NFIB: variants seen among roughly 807,000 people sequenced by gnomAD.
NFIB encodes nuclear factor 1 B-type.
NFIB carries 11 observed loss-of-function variants against 61.5 expected under a neutral mutation model. The ratio of observed to expected loss-of-function variants is 0.18; its 90% CI spans 0.11 to 0.30. The LOEUF (loss-of-function observed/expected upper bound fraction) is 0.30. Among genes scored for constraint, NFIB ranks in the 10% least tolerant of loss-of-function variants. NFIB has a pLI of 1.00. For missense variants in NFIB, 471 were observed against 608.9 expected (o/e 0.77, Z 2.38); for synonymous variants, 260 against 216.5 (o/e 1.20, Z -1.76).
intron 1 of NFIB, among the ~76,000 whole-genome samples, chr9:14,394,464 G>C (rs1456383802): frequency 6.6e-6 from 1 of 152,176 alleles, no homozygotes; most frequent in Admixed American, 6.5e-5. Context: ...GAGAAGCAAA[G>C]GCATGTCTTA....
At chr9:14,468,583 A>T in the NFIB span, among the ~76,000 whole-genome samples, 2 of 152,166 alleles carry the variant, frequency 1.3e-5, no homozygotes, top group Non-Finnish European at 2.9e-5. Flanking sequence ...AGCAGCTCTA[A>T]TTTGCTCCTC....
chr9:14,175,481 T>TA, intron 3 of NFIB, among the ~76,000 whole-genome samples: 1 of 152,242 alleles, frequency 6.6e-6, no homozygotes, highest in East Asian at 1.9e-4. Context: ...GCCAGCGACT[T>TA]AAAGAATTTC....
intron 2 of NFIB, among the ~76,000 whole-genome samples, chr9:14,251,917 G>A (rs185748415): frequency 7.9e-5 from 12 of 152,328 alleles, no homozygotes; most frequent in Admixed American, 3.3e-4. Context: ...AGGTTTAGTA[G>A]GCAAGCCACA....
intron 1 of NFIB, among the ~76,000 whole-genome samples, chr9:14,392,211 G>T (rs1333825487): frequency 6.6e-6 from 1 of 152,200 alleles, no homozygotes; most frequent in Non-Finnish European, 1.5e-5. Flanking sequence ...CATCCTGGAT[G>T]TGACCCTGGG....
chr9:14,090,061 T>A (rs1018117543), intron 10 of NFIB, among the ~76,000 whole-genome samples: 2 of 152,130 alleles, frequency 1.3e-5, no homozygotes, highest in African/African-American at 4.8e-5. Context: ...CAATTAATTG[T>A]TTCAAATCAC....
At chr9:14,190,167 T>C (rs2131546429) in intron 2 of NFIB, among the ~76,000 whole-genome samples, 1 of 152,276 alleles carries the variant, frequency 6.6e-6, no homozygotes, top group East Asian at 1.9e-4. Flanking sequence ...AGAAACTGGA[T>C]GGGTTTTTTA....
At chr9:14,458,956 A>G in the NFIB span, among the ~76,000 whole-genome samples, 12 of 152,162 alleles carry the variant, frequency 7.9e-5, no homozygotes, top group Admixed American at 4.6e-4. Context: ...GGTAATTTAT[A>G]GATTCAATGC....
At chr9:14,374,680 C>T (rs151154084) in intron 1 of NFIB, among the ~76,000 whole-genome samples, 1 of 152,222 alleles carries the variant, frequency 6.6e-6, no homozygotes, top group East Asian at 1.9e-4. Flanking sequence ...GAGGCTGAAG[C>T]GGGTGGATCA....
At chr9:14,406,000 G>C in the NFIB span, among the ~76,000 whole-genome samples, 4 of 152,210 alleles carry the variant, frequency 2.6e-5, no homozygotes, top group Non-Finnish European at 4.4e-5. Flanking sequence ...CATAAAGTTA[G>C]ACTAAAGCAT....
chr9:14,195,431 C>T (rs931902203), intron 2 of NFIB, among the ~76,000 whole-genome samples: 4 of 152,206 alleles, frequency 2.6e-5, no homozygotes, highest in South Asian at 2.1e-4. Flanking sequence ...TGGGTTAAAA[C>T]ATCAAGCTAA....
the NFIB span, among the ~76,000 whole-genome samples, chr9:14,454,452 G>C: frequency 1.3e-5 from 2 of 152,184 alleles, no homozygotes; most frequent in African/African-American, 4.8e-5. Flanking sequence ...CCTCTCTCTT[G>C]CCTAGTTAAT....
the NFIB span, among the ~76,000 whole-genome samples, chr9:14,444,442 TAA>T: frequency 6.6e-6 from 1 of 152,112 alleles, no homozygotes; most frequent in Non-Finnish European, 1.5e-5. Flanking sequence ...TGGAAAGCAA[TAA>T]AAATAGAGTT....
Position 14,268,120 on chromosome 9 carries a change from C to CA in NFIB, c.562+38868dup, listed in dbSNP as rs60610470. Among the ~76,000 whole-genome samples the CA allele has an allele frequency of 2.5e-3, 341 of 134,696 alleles. 1 individual carries two copies. Among genetic ancestry groups the CA allele is most frequent in the African/African-American group, 7.6e-3 (277 of 36,330 alleles). The allele number at this position is 134,696 out of a possible 152,430, so 88.4% of individuals were successfully genotyped here. On this transcript the variant is annotated intron_variant, in intron 2 of 10. Transcript: ENST00000380953. The stretch of plus-strand genomic sequence containing the variant: ...TGGCCGACATAGCAAGATTCCATCT[C>CA]AAAAAAAAAAAAAAAATTATATACT...
At chr9:14,341,535 T>A (rs1432837474) in intron 1 of NFIB, among the ~76,000 whole-genome samples, 1 of 152,164 alleles carries the variant, frequency 6.6e-6, no homozygotes, top group Non-Finnish European at 1.5e-5. Context: ...TGTGAGGGAC[T>A]GGCCACCTCC....
the NFIB span, among the ~76,000 whole-genome samples, chr9:14,416,848 A>G: frequency 6.6e-6 from 1 of 151,310 alleles, no homozygotes; most frequent in African/African-American, 2.4e-5. Flanking sequence ...CAGTCCTGCA[A>G]GCTCCATTCA....
Position 14,221,053 on chromosome 9 carries a change from C to G in NFIB, c.563-41273G>C, listed in dbSNP as rs151314738. Among the ~76,000 whole-genome samples the G allele has an allele frequency of 1.1e-4, 17 of 152,228 alleles. 1 individual carries two copies. The East Asian group carries it at 3.3e-3, about 29-fold the overall frequency. On this transcript the variant is annotated intron_variant, in intron 2 of 10. Coordinates refer to ENST00000380953, the MANE Select transcript of NFIB (RefSeq NM_001190737.2). ...GATACTAAACTCTGCATCCTGAGGTCAAGCCAAGCCAAATGTTGACATACC... is the reference window on the plus strand; with the variant it reads ...GATACTAAACTCTGCATCCTGAGGTGAAGCCAAGCCAAATGTTGACATACC...
Position 14,152,934 on chromosome 9 carries a change from A to G in NFIB, c.686-2669T>C, listed in dbSNP as rs374472392. On this transcript the variant is annotated intron_variant, in intron 4 of 10. Transcript: ENST00000380953. ...GTAAAAACATACAGTTATAATAGAC[A>G]GAAAGAATAATTTCCAGTATTTGAT... Among the ~76,000 whole-genome samples the G allele has an allele frequency of 3.4e-4, 51 of 152,212 alleles. 2 individuals are homozygous for G. The East Asian group carries it at 8.7e-3, about 26-fold the overall frequency.
chr9:14,430,324 G>C, the NFIB span, among the ~76,000 whole-genome samples: 1 of 151,290 alleles, frequency 6.6e-6, no homozygotes, highest in African/African-American at 2.4e-5. Context: ...AGCGAATTAA[G>C]ACTTCTTCTT....
At chr9:14,133,919 G>C (rs771872654) in intron 6 of NFIB, among the ~76,000 whole-genome samples, 3 of 132,290 alleles carry the variant, frequency 2.3e-5, no homozygotes, top group Non-Finnish European at 4.6e-5. Context: ...GTGTCCTGAA[G>C]GAGGAAGAAA....
Sources: gnomAD v4.1 joint callset for allele counts (sites outside exome capture counted in the v4.1 genomes callset) on GRCh38, gnomAD v4.1.1 for gene constraint, MANE v1.5 for transcripts, NCBI Gene and HGNC (gene_info 2026-07-23, HGNC 2026-07-21) for gene names.